DAPK1: variants seen among roughly 807,000 people sequenced by gnomAD.
DAPK1 encodes the protein death associated protein kinase 1, also known as death-associated protein kinase 1.
A neutral mutation model predicts 144.9 loss-of-function variants in DAPK1; 56 were observed. That is an observed-to-expected ratio of 0.39 (90% CI 0.31 to 0.48). The LOEUF (loss-of-function observed/expected upper bound fraction) is 0.48. DAPK1 is among the 20% of genes least tolerant of loss of function. The pLI is 0.95. For synonymous variants in DAPK1, 690 were observed against 749.0 expected (o/e 0.92, Z 1.29); for missense variants, 1,454 against 1,875.4 (o/e 0.78, Z 4.15).
chr9:87,501,013 T>A (rs1237227405), intron 2 of DAPK1, among the ~76,000 whole-genome samples: 1 of 152,216 alleles, frequency 6.6e-6, no homozygotes, highest in Non-Finnish European at 1.5e-5. Flanking sequence ...TGATTTTATG[T>A]CTGCCTTGGA....
intron 2 of DAPK1, among the ~76,000 whole-genome samples, chr9:87,594,171 T>C (rs1202863388): frequency 2.0e-5 from 3 of 152,234 alleles, no homozygotes; most frequent in Non-Finnish European, 2.9e-5. Context: ...TGTTGTTGTT[T>C]GTTTTGTTTG....
At chr9:87,655,731 C>T (rs906043663) in intron 17 of DAPK1, among the ~76,000 whole-genome samples, 11 of 152,164 alleles carry the variant, frequency 7.2e-5, no homozygotes, top group African/African-American at 2.2e-4. Flanking sequence ...TTTAACTTGC[C>T]GTGTTAGAAA....
intron 23 of DAPK1, among the ~76,000 whole-genome samples, chr9:87,699,741 G>A (rs1825391879): frequency 6.6e-6 from 1 of 152,124 alleles, no homozygotes; most frequent in African/African-American, 2.4e-5. Context: ...TGTAGCTTTT[G>A]CATTCACACC....
At chr9:87,618,763 G>A (rs1337148841) in intron 3 of DAPK1, among the ~76,000 whole-genome samples, 2 of 152,136 alleles carry the variant, frequency 1.3e-5, no homozygotes, top group Non-Finnish European at 2.9e-5. Context: ...GAGTGTGGTG[G>A]GAAAGTAGGG....
At chr9:87,512,560 A>C (rs1477844543) in intron 2 of DAPK1, among the ~76,000 whole-genome samples, 1 of 152,178 alleles carries the variant, frequency 6.6e-6, no homozygotes, top group Admixed American at 6.5e-5. Context: ...CTGCGGGTAA[A>C]TGCCCACTTA....
intron 19 of DAPK1, among the ~76,000 whole-genome samples, chr9:87,672,982 T>A (rs1390678998): frequency 6.6e-6 from 1 of 152,098 alleles, no homozygotes; most frequent in Non-Finnish European, 1.5e-5. Flanking sequence ...GAAGAAGTCA[T>A]TCACCCTGCA....
chr9:87,577,476 G>C (rs1281070262), intron 2 of DAPK1, among the ~76,000 whole-genome samples: 1 of 152,154 alleles, frequency 6.6e-6, no homozygotes, highest in East Asian at 1.9e-4. Flanking sequence ...GTCTGGGGCA[G>C]AGCCCAGGCA....
At chr9:87,511,878 T>C (rs1824861669) in intron 2 of DAPK1, among the ~76,000 whole-genome samples, 1 of 151,892 alleles carries the variant, frequency 6.6e-6, no homozygotes, top group African/African-American at 2.4e-5. Flanking sequence ...ACCCAGCTAA[T>C]TTTTTGTATT....
intron 2 of DAPK1, among the ~76,000 whole-genome samples, chr9:87,512,965 A>G (rs1014784186): frequency 6.6e-6 from 1 of 152,284 alleles, no homozygotes; most frequent in Non-Finnish European, 1.5e-5. Context: ...GCTTTCTTTT[A>G]AAGAATTATT....
chr9:87,625,889 A>C (rs893297035), intron 3 of DAPK1, among the ~76,000 whole-genome samples: 1 of 152,228 alleles, frequency 6.6e-6, no homozygotes, highest in Non-Finnish European at 1.5e-5. Context: ...AGAATATGTG[A>C]GATCAAGGCG....
intron 2 of DAPK1, among the ~76,000 whole-genome samples, chr9:87,589,151 C>T (rs1828041518): frequency 6.7e-6 from 1 of 149,204 alleles, no homozygotes; most frequent in Non-Finnish European, 1.5e-5. Flanking sequence ...TCAGGTGATC[C>T]TCCCACCTTG....
chr9:87,622,744 CCACTAAAATACAAAAAAT>C (rs887282760), intron 3 of DAPK1, among the ~76,000 whole-genome samples: 11 of 151,910 alleles, frequency 7.2e-5, no homozygotes, highest in African/African-American at 2.7e-4. Flanking sequence ...AACCCTGTCT[CCACTAAAATACAAAAAAT>C]CAGCCGGGTG....
intron 17 of DAPK1, among the ~76,000 whole-genome samples, chr9:87,653,702 AT>A: frequency 6.6e-6 from 1 of 150,988 alleles, no homozygotes; most frequent in South Asian, 2.1e-4. Context: ...CATTATTATT[AT>A]TTTTTTTGAG....
At chr9:87,628,846 C>T (rs1161339456) in intron 3 of DAPK1, among the ~76,000 whole-genome samples, 1 of 152,206 alleles carries the variant, frequency 6.6e-6, no homozygotes, top group African/African-American at 2.4e-5. Flanking sequence ...TATAGTAGTA[C>T]ATGAATGAGC....
rs781558622 is a variant in DAPK1 at position 87,640,857 on chromosome 9, A to G, written c.828+10A>G. On this transcript the variant is annotated intron_variant, in intron 9 of 25. Transcript: ENST00000408954. Reference sequence around the variant, plus strand: ...GCATCCCTGGATCAAGGTGAGTTGCATATTACGAAACTGTTTAGATCACTT... The same window carrying G: ...GCATCCCTGGATCAAGGTGAGTTGCGTATTACGAAACTGTTTAGATCACTT... 3.1e-5 allele frequency: 50 copies of G among 1,613,646 alleles called. No individual in the cohort carries two copies. In the East Asian group the frequency reaches 4.7e-4, roughly 15 times the overall value.
At chr9:87,688,576 A>C (rs1016998240) in intron 21 of DAPK1, among the ~76,000 whole-genome samples, 1 of 151,954 alleles carries the variant, frequency 6.6e-6, no homozygotes, top group Non-Finnish European at 1.5e-5. Flanking sequence ...TCTTTTCTTC[A>C]CGCCCTCACC....
Position 87,646,566 on chromosome 9 carries a change from A to T in DAPK1, c.1230+7A>T. ...AATCGATGTCCAGGATAAGGTCATAATTGTTTTATTGAAATGAATTGAATT... is the reference window on the plus strand; with the variant it reads ...AATCGATGTCCAGGATAAGGTCATATTTGTTTTATTGAAATGAATTGAATT... On this transcript the variant is annotated splice_region_variant and intron_variant, in intron 13 of 25. Transcript: ENST00000408954. The T allele has an allele frequency of 6.3e-7, 1 of 1,593,986 alleles. No homozygotes were observed. Among genetic ancestry groups the T allele is most frequent in the Non-Finnish European group, 8.6e-7 (1 of 1,162,158 alleles).
intron 17 of DAPK1, 65 bp downstream of exon 17, chr9:87,651,789 G>A (rs1308415358): frequency 1.4e-6 from 2 of 1,428,784 alleles, no homozygotes; most frequent in Non-Finnish European, 1.9e-6. Flanking sequence ...TCTGGGTCCT[G>A]ATTCTGTGTC....
At chr9:87,567,599 C>A (rs749519736) in intron 2 of DAPK1, among the ~76,000 whole-genome samples, 52 of 152,176 alleles carry the variant, frequency 3.4e-4, no homozygotes, top group Non-Finnish European at 6.6e-4. Context: ...GTAGCCTCTT[C>A]ATTTGAATTC....
Sources: gnomAD v4.1 joint callset for allele counts (sites outside exome capture counted in the v4.1 genomes callset) on GRCh38, gnomAD v4.1.1 for gene constraint, MANE v1.5 for transcripts, NCBI Gene and HGNC (gene_info 2026-07-23, HGNC 2026-07-21) for gene names.